The following TMEM38B variants were observed in gnomAD, a reference collection of about 807,000 sequenced individuals.
TMEM38B encodes transmembrane protein 38B.
TMEM38B carries 24 observed loss-of-function variants against 28.7 expected under a neutral mutation model. That is an observed-to-expected ratio of 0.84 (90% CI 0.61 to 1.18). The LOEUF is 1.18. Ranked by LOEUF, TMEM38B falls within the 50% of genes most tolerant of loss-of-function variation. TMEM38B has a pLI of 0.00. For synonymous variants in TMEM38B, 131 were observed against 127.7 expected (o/e 1.03, Z -0.17); for missense variants, 380 against 350.9 (o/e 1.08, Z -0.66).
In TMEM38B at chr9:105,776,112, A is replaced by T. The variant is rs1826712641; in HGVS notation, c.*2032A>T. The T allele has an allele frequency of 6.6e-6, 1 of 152,192 alleles. No individual in the cohort carries two copies. The highest frequency in any genetic ancestry group is 1.5e-5 in the Non-Finnish European group (1 of 68,038). 9.4% of individuals were successfully genotyped at this position (152,192 alleles called of 1,614,324 possible). A position where few individuals can be genotyped will look rare whatever the true frequency, so the allele number is the denominator to read the frequency against. On this transcript the variant is annotated 3_prime_UTR_variant, in exon 6 of 6. Coordinates refer to ENST00000374692, the MANE Select transcript of TMEM38B (RefSeq NM_018112.3). Reference sequence around the variant, plus strand: ...TTGTTAGACTCCTTACCCAATGTGAAGTGTGAATAAGGCCTATAGGCCTGC... The same window carrying T: ...TTGTTAGACTCCTTACCCAATGTGATGTGTGAATAAGGCCTATAGGCCTGC...
At chr9:105,717,376 CAA>C (rs1182016922) in intron 2 of TMEM38B, among the ~76,000 whole-genome samples, 2 of 151,914 alleles carry the variant, frequency 1.3e-5, no homozygotes, top group Admixed American at 6.6e-5. Context: ...AAGCATATAA[CAA>C]GAGAAAATGT....
chr9:105,759,351 C>T (rs918325557), intron 5 of TMEM38B: 12 of 1,185,502 alleles, frequency 1.0e-5, no homozygotes, highest in Non-Finnish European at 1.4e-5. Context: ...AATGGAGTGC[C>T]TTCTTCTCAG....
At chr9:105,732,316 G>T (rs1002779048) in intron 4 of TMEM38B, among the ~76,000 whole-genome samples, 1 of 152,166 alleles carries the variant, frequency 6.6e-6, no homozygotes, top group Non-Finnish European at 1.5e-5. Context: ...AGTTTAATTA[G>T]ATCCCATTTG....
chr9:105,766,234 T>G (rs1474177064), intron 5 of TMEM38B, among the ~76,000 whole-genome samples: 1 of 152,252 alleles, frequency 6.6e-6, no homozygotes, highest in Non-Finnish European at 1.5e-5. Flanking sequence ...CCACTAGCAA[T>G]GTATGAGAGT....
intron 2 of TMEM38B, 126 bp downstream of exon 2, chr9:105,705,879 A>G: frequency 2.0e-6 from 2 of 978,322 alleles, no homozygotes; most frequent in Non-Finnish European, 2.9e-6. Flanking sequence ...TCTGCAAGGA[A>G]GGAACCCAAA....
intron 5 of TMEM38B, chr9:105,758,441 A>T (rs1837912885): frequency 6.5e-6 from 9 of 1,389,800 alleles, no homozygotes; most frequent in Non-Finnish European, 7.2e-6. Flanking sequence ...ACTTTAAAAA[A>T]TATGGCAGTT....
At chr9:105,720,487 T>C (rs1836277024) in intron 2 of TMEM38B, among the ~76,000 whole-genome samples, 1 of 152,030 alleles carries the variant, frequency 6.6e-6, no homozygotes, top group Non-Finnish European at 1.5e-5. Context: ...TATGGTAATA[T>C]TTGAGTGGCA....
chr9:105,774,048 GT>G lies in TMEM38B; in HGVS notation c.846del (p.Lys284ArgfsTer12). 1 of 1,613,526 alleles carries G rather than the reference GT, an allele frequency of 6.2e-7. No homozygotes were observed. Among genetic ancestry groups the G allele is most frequent in the East Asian group, 2.2e-5 (1 of 44,872 alleles). ...SKPVDVASDNVKKKHTKKNE is the reference protein window; with the variant it reads ...SKPVDVASDNXKKKHTKKNE ...GCCGGTAGATGTTGCCTCAGATAATGTTAAAAAGAAACATACTAAGAAGAAT... is the reference window on the plus strand; with the variant it reads ...GCCGGTAGATGTTGCCTCAGATAATGTAAAAAGAAACATACTAAGAAGAAT... On this transcript the variant is annotated frameshift_variant, in exon 6 of 6. Transcript: ENST00000374692. LOFTEE classifies it high-confidence loss of function.
chr9:105,748,127 G>C lies in TMEM38B; in HGVS notation c.597G>C (p.Gln199His). 1.9e-6 allele frequency: 3 copies of C among 1,613,552 alleles called. No homozygotes were observed. Among genetic ancestry groups the C allele is most frequent in the South Asian group, 1.1e-5 (1 of 91,048 alleles). Residue 199 changes from glutamine (Q) to histidine (H), a missense_variant, in exon 5 of 6, where the codon CAG becomes CAC. By Grantham distance (24) the Gln-to-His change is conservative. Coordinates refer to ENST00000374692, the MANE Select transcript of TMEM38B (RefSeq NM_018112.3). The stretch of plus-strand genomic sequence containing the variant: ...TTATCTTCACATTCCAGCACACCCA[G>C]CATCTGGCAATATCAAAGCATAATC... ...GSVIFTFQHT[Q>H]HLAISKHNLM...
chr9:105,760,110 C>T (rs1837984896), intron 5 of TMEM38B: 3 of 882,184 alleles, frequency 3.4e-6, no homozygotes, highest in Non-Finnish European at 5.8e-6. Flanking sequence ...AGAGGGTTGC[C>T]ATCGATGCGC....
intron 5 of TMEM38B, chr9:105,749,172 A>G: frequency 8.3e-7 from 1 of 1,202,580 alleles, no homozygotes; most frequent in Non-Finnish European, 1.1e-6. Context: ...TCAAATGTTG[A>G]GCCGTGTATA....
chr9:105,704,021 GA>G (rs1231063073), intron 1 of TMEM38B, among the ~76,000 whole-genome samples: 1 of 143,690 alleles, frequency 7.0e-6, no homozygotes, highest in Admixed American at 7.2e-5. Flanking sequence ...TCATAGGTGG[GA>G]ATTGAACAAT....
At chr9:105,713,972 G>T (rs1344853100) in intron 2 of TMEM38B, among the ~76,000 whole-genome samples, 1 of 152,174 alleles carries the variant, frequency 6.6e-6, no homozygotes, top group African/African-American at 2.4e-5. Context: ...GCAGGGAGGA[G>T]CTACCCTGTC....
intron 1 of TMEM38B, among the ~76,000 whole-genome samples, chr9:105,696,758 G>A (rs1029599569): frequency 6.6e-6 from 1 of 152,216 alleles, no homozygotes; most frequent in Non-Finnish European, 1.5e-5. Context: ...CCAGAGATGT[G>A]TAGGACAGTT....
intron 5 of TMEM38B, among the ~76,000 whole-genome samples, chr9:105,756,329 A>G (rs1309885751): frequency 6.6e-6 from 1 of 152,056 alleles, no homozygotes; most frequent in Non-Finnish European, 1.5e-5. Context: ...AGAAATGGAG[A>G]GAATGAGCAT....
chr9:105,733,513 G>A (rs1836853907), intron 4 of TMEM38B, among the ~76,000 whole-genome samples: 1 of 149,742 alleles, frequency 6.7e-6, no homozygotes, highest in Non-Finnish European at 1.5e-5. Flanking sequence ...CTCTAGCTGT[G>A]TTTCCTTGGA....
rs888554387 is a variant in TMEM38B at position 105,769,884 on chromosome 9, G to C, written c.661-3981G>C. 2.0e-5 allele frequency among the ~76,000 whole-genome samples: 3 copies of C among 152,128 alleles called. No individual in the cohort carries two copies. The East Asian group carries it at 5.8e-4, about 29-fold the overall frequency. ...GAGCCATAAAGTTCTCTAATATTTAGAGAAGGGAAATCTAGAATGGGAAAT... is the reference window on the plus strand; with the variant it reads ...GAGCCATAAAGTTCTCTAATATTTACAGAAGGGAAATCTAGAATGGGAAAT... On this transcript the variant is annotated intron_variant, in intron 5 of 5. Transcript: ENST00000374692.
At chr9:105,764,475 A>G (rs969199854) in intron 5 of TMEM38B, among the ~76,000 whole-genome samples, 4 of 152,214 alleles carry the variant, frequency 2.6e-5, no homozygotes, top group African/African-American at 9.6e-5. Flanking sequence ...GTGAACTGCC[A>G]TTCACAATTG....
At chr9:105,730,858 T>C (rs1836714352) in intron 4 of TMEM38B, among the ~76,000 whole-genome samples, 1 of 152,172 alleles carries the variant, frequency 6.6e-6, no homozygotes, top group Non-Finnish European at 1.5e-5. Flanking sequence ...TGAGTAGAGG[T>C]GTTTATAGTA....
Sources: gnomAD v4.1 joint callset for allele counts (sites outside exome capture counted in the v4.1 genomes callset) on GRCh38, gnomAD v4.1.1 for gene constraint, MANE v1.5 for transcripts, NCBI Gene and HGNC (gene_info 2026-07-23, HGNC 2026-07-21) for gene names.